The following SBF2 variants were observed in gnomAD, a reference collection of about 807,000 sequenced individuals.
SBF2 encodes myotubularin-related protein 13.
SBF2 carries 112 observed loss-of-function variants against 225.2 expected under a neutral mutation model. That is an observed-to-expected ratio of 0.50 (90% confidence interval 0.43 to 0.58). SBF2 has a LOEUF of 0.58. Among genes scored for constraint, SBF2 ranks in the 20% least tolerant of loss-of-function variants. SBF2 has a pLI of 0.00. For synonymous variants in SBF2, 763 were observed against 773.3 expected (o/e 0.99, Z 0.22); for missense variants, 1,996 against 2,206.2 (o/e 0.90, Z 1.91).
chr11:9,891,857 T>C (rs1206779284), intron 17 of SBF2, among the ~76,000 whole-genome samples: 1 of 152,204 alleles, frequency 6.6e-6, no homozygotes, highest in East Asian at 1.9e-4. Context: ...GTGGGAAACC[T>C]TGAACACTCT....
At chr11:9,879,688 C>T (rs555380892) in intron 17 of SBF2, among the ~76,000 whole-genome samples, 3 of 152,132 alleles carry the variant, frequency 2.0e-5, no homozygotes, top group Non-Finnish European at 4.4e-5. Context: ...GTACTATATG[C>T]CAGGCACTAG....
At chr11:10,136,937 T>C (rs1170014398) in intron 2 of SBF2, among the ~76,000 whole-genome samples, 1 of 152,260 alleles carries the variant, frequency 6.6e-6, no homozygotes, top group African/African-American at 2.4e-5. Flanking sequence ...ATCTTGTCCA[T>C]GTACTAGAAA....
At chr11:9,963,941 G>T in intron 14 of SBF2, 59 bp from the exon 15 acceptor site, 1 of 963,558 alleles carries the variant, frequency 1.0e-6, no homozygotes, top group Non-Finnish European at 1.6e-6. Flanking sequence ...AATTACAAAA[G>T]CAAAGAGACT....
chr11:10,172,019 T>C (rs1435095389), intron 2 of SBF2, among the ~76,000 whole-genome samples: 5 of 152,168 alleles, frequency 3.3e-5, no homozygotes, highest in African/African-American at 9.7e-5. Flanking sequence ...GTTTTATTTA[T>C]TTGGGTCTTT....
rs373423157 is a variant in SBF2, at chr11:10,063,858, C to CACACAGAGAGAGAGAGAG, written c.142-20878_142-20877insCTCTCTCTCTCTCTGTGT. Among the ~76,000 whole-genome samples, 29 of 136,234 alleles carry CACACAGAGAGAGAGAGAG rather than the reference C, an allele frequency of 2.1e-4. No homozygotes were observed. The East Asian group carries it at 2.2e-3, about 10-fold the overall frequency. 89.4% of individuals were successfully genotyped at this position (136,234 alleles called of 152,430 possible). Reference sequence around the variant, plus strand: ...ACACACACACACACACACACACACACAGAGAGAGAGAGAGAGAGAGAGAAA... The same window carrying CACACAGAGAGAGAGAGAG: ...ACACACACACACACACACACACACACACACAGAGAGAGAGAGAGAGAGAGAGAGAGAGAGAGAGAGAAA... On this transcript the variant is annotated intron_variant, in intron 2 of 39. Transcript: ENST00000256190.
Position 10,031,152 on chromosome 11 carries a change from T to C in SBF2, c.298A>G (p.Ile100Val). The C allele has an allele frequency of 6.2e-7, 1 of 1,613,544 alleles. No homozygotes were observed. The highest frequency in any genetic ancestry group is 8.5e-7 in the Non-Finnish European group (1 of 1,179,684). Residue 100 changes from isoleucine to valine, a missense_variant, in exon 4 of 40, where the codon ATT becomes GTT. Ile to Val is a conservative substitution (Grantham distance 29). Transcript: ENST00000256190. ...CCAGACACTTTTGCTTCACCTTCAATCTCTTCCTTCTTTGTTCCCTAGAAA... is the reference window on the plus strand; with the variant it reads ...CCAGACACTTTTGCTTCACCTTCAACCTCTTCCTTCTTTGTTCCCTAGAAA... ...INLQGTKKEEIEGEAKVSGLI... is the reference protein window; with the variant it reads ...INLQGTKKEEVEGEAKVSGLI...
intron 17 of SBF2, among the ~76,000 whole-genome samples, chr11:9,862,706 C>T (rs1466681322): frequency 6.6e-6 from 1 of 151,990 alleles, no homozygotes; most frequent in Non-Finnish European, 1.5e-5. Flanking sequence ...ATGGATAAAA[C>T]TATCTTCTGA....
intron 2 of SBF2, among the ~76,000 whole-genome samples, chr11:10,128,912 C>G (rs1953890238): frequency 6.6e-6 from 1 of 152,088 alleles, no homozygotes; most frequent in Non-Finnish European, 1.5e-5. Flanking sequence ...TTACCTAGTT[C>G]TATTCAGCTA....
At chr11:9,923,406 C>G (rs972519726) in intron 16 of SBF2, among the ~76,000 whole-genome samples, 3 of 152,162 alleles carry the variant, frequency 2.0e-5, no homozygotes, top group Non-Finnish European at 2.9e-5. Context: ...GAATTTTTGG[C>G]TACAGTGAGA....
intron 2 of SBF2, among the ~76,000 whole-genome samples, chr11:10,145,355 C>G (rs905343230): frequency 6.6e-6 from 1 of 151,912 alleles, no homozygotes; most frequent in Non-Finnish European, 1.5e-5. Flanking sequence ...TGCAAGTATT[C>G]CAAGAAAAAG....
At chr11:9,809,085 A>T (rs1162112261) in intron 30 of SBF2, 83 bp from the exon 31 acceptor site, 2 of 1,001,476 alleles carry the variant, frequency 2.0e-6, no homozygotes, top group East Asian at 4.8e-5. Flanking sequence ...AACCCTGGAT[A>T]ATCAAACGAC....
At chr11:10,258,468 C>T (rs56832220) in intron 1 of SBF2, among the ~76,000 whole-genome samples, 1,619 of 152,140 alleles carry the variant, frequency 0.011, 34 homozygotes, top group African/African-American at 0.037. Context: ...GCTGAAGTTA[C>T]CACTCTTCAC....
upstream of SBF2, among the ~76,000 whole-genome samples, chr11:10,297,192 C>T (rs1022252553): frequency 4.6e-5 from 7 of 151,130 alleles, no homozygotes; most frequent in African/African-American, 1.5e-4. Flanking sequence ...GCCCTATTCC[C>T]CCCCCCAAAT....
At chr11:9,900,126 T>G (rs947023765) in intron 16 of SBF2, among the ~76,000 whole-genome samples, 3 of 151,680 alleles carry the variant, frequency 2.0e-5, no homozygotes, top group Non-Finnish European at 4.4e-5. Flanking sequence ...GTAAACCCAG[T>G]TTCACTGAGT....
chr11:9,949,476 A>G (rs1435543115), intron 16 of SBF2, among the ~76,000 whole-genome samples: 2 of 152,190 alleles, frequency 1.3e-5, no homozygotes, highest in Admixed American at 6.5e-5. Flanking sequence ...TTCTAATAAC[A>G]GCTTCTAAGA....
chr11:9,785,808 C>T lies in SBF2; in HGVS notation c.5038-490G>A, dbSNP rs968892717. Among the ~76,000 whole-genome samples, 2 of 151,872 alleles carry T rather than the reference C, an allele frequency of 1.3e-5. 1 individual carries two copies. Among genetic ancestry groups the T allele is most frequent in the South Asian group, 4.2e-4 (2 of 4,772 alleles). ...TTGAGGCTGCAGTGAGCCATGATCACGCCACTGCACTCCAGCCTAGGTGAC... is the reference window on the plus strand; with the variant it reads ...TTGAGGCTGCAGTGAGCCATGATCATGCCACTGCACTCCAGCCTAGGTGAC... On this transcript the variant is annotated intron_variant, in intron 36 of 39. Coordinates refer to ENST00000256190, the MANE Select transcript of SBF2 (RefSeq NM_030962.4).
intron 2 of SBF2, among the ~76,000 whole-genome samples, chr11:10,063,589 C>A (rs532020656): frequency 6.6e-6 from 1 of 151,738 alleles, no homozygotes; most frequent in South Asian, 2.1e-4. Flanking sequence ...GATCTCCTGA[C>A]CTCATGATCT....
rs1390130626 is a variant in SBF2 at position 10,038,035 on chromosome 11, A to C, written c.279+4809T>G. On this transcript the variant is annotated intron_variant, in intron 3 of 39. Coordinates refer to ENST00000256190, the MANE Select transcript of SBF2 (RefSeq NM_030962.4). ...ATACACACATTCCATTGATTTATAA[A>C]GCTTCTATTGTTGGACACTGATCTC... Among the ~76,000 whole-genome samples the C allele has an allele frequency of 2.0e-5, 3 of 152,142 alleles. No homozygotes were observed. In the East Asian group the frequency reaches 5.8e-4, roughly 29 times the overall value.
intron 2 of SBF2, among the ~76,000 whole-genome samples, chr11:10,163,567 AT>A (rs924538975): frequency 1.1e-4 from 16 of 152,208 alleles, no homozygotes; most frequent in African/African-American, 3.6e-4. Flanking sequence ...GTATTAAGTA[AT>A]TTGATCCATA....
Sources: gnomAD v4.1 joint callset for allele counts (sites outside exome capture counted in the v4.1 genomes callset) on GRCh38, gnomAD v4.1.1 for gene constraint, MANE v1.5 for transcripts, NCBI Gene and HGNC (gene_info 2026-07-23, HGNC 2026-07-21) for gene names.